The following PDE4B variants were observed in gnomAD, a reference collection of about 807,000 sequenced individuals.
The protein encoded by PDE4B is 3',5'-cyclic-AMP phosphodiesterase 4B.
A neutral mutation model predicts 82.2 loss-of-function variants in PDE4B; 20 were observed. The ratio of observed to expected loss-of-function variants is 0.24; its 90% confidence interval spans 0.17 to 0.35. PDE4B has a LOEUF of 0.35. PDE4B is among the 10% of genes least tolerant of loss of function. The pLI, the probability that PDE4B is intolerant of heterozygous loss-of-function variation, is 1.00. For synonymous variants in PDE4B, 320 were observed against 318.9 expected, an observed-to-expected ratio of 1.00 and a Z score of -0.04; for missense variants, 655 against 907.2, an observed-to-expected ratio of 0.72 and a Z score of 3.57.
intron 3 of PDE4B, among the ~76,000 whole-genome samples, chr1:66,148,915 C>T (rs150624208): frequency 6.6e-6 from 1 of 152,314 alleles, no homozygotes; most frequent in African/African-American, 2.4e-5. Flanking sequence ...AGTTGATGAA[C>T]ATTTGGGTTC....
intron 3 of PDE4B, among the ~76,000 whole-genome samples, chr1:66,175,831 T>G (rs1359846539): frequency 6.6e-6 from 1 of 152,238 alleles, no homozygotes; most frequent in Non-Finnish European, 1.5e-5. Context: ...ATATTTGCTC[T>G]CTTTAGCATG....
Position 66,015,259 on chromosome 1 carries a change from G to T in PDE4B, c.281+96424G>T, listed in dbSNP as rs17419866. On this transcript the variant is annotated intron_variant, in intron 3 of 16. Coordinates refer to ENST00000341517, the MANE Select transcript of PDE4B (RefSeq NM_002600.4). ...CCTATTAGACTATACAATAATCAAG[G>T]ATTACAGAAATGCCTAGAGATTGTT... Among the ~76,000 whole-genome samples, 596 of 152,214 alleles carry T rather than the reference G, an allele frequency of 3.9e-3. 2 individuals carry two copies. Among genetic ancestry groups the T allele is most frequent in the Non-Finnish European group, 7.3e-3 (497 of 67,998 alleles).
intron 1 of PDE4B, among the ~76,000 whole-genome samples, chr1:65,805,154 G>A (rs1645740877): frequency 6.6e-6 from 1 of 152,040 alleles, no homozygotes; most frequent in African/African-American, 2.4e-5. Flanking sequence ...TAGTAGAAAT[G>A]GGGTTTTGCC....
At chr1:65,976,217 A>G (rs1262154917) in intron 3 of PDE4B, among the ~76,000 whole-genome samples, 2 of 152,344 alleles carry the variant, frequency 1.3e-5, no homozygotes, top group East Asian at 1.9e-4. Context: ...AGAGACATGG[A>G]GTCTAAGGAC....
intron 3 of PDE4B, among the ~76,000 whole-genome samples, chr1:65,950,344 T>C (rs1648928062): frequency 6.6e-6 from 1 of 151,960 alleles, no homozygotes; most frequent in African/African-American, 2.4e-5. Context: ...TCACCAGCAA[T>C]AGGGTTCTCA....
chr1:66,266,663 ATCT>A (rs752999925), intron 7 of PDE4B: 5 of 518,868 alleles, frequency 9.6e-6, no homozygotes, highest in Non-Finnish European at 1.6e-5. Flanking sequence ...CTAACCTCTC[ATCT>A]TTCAGGACAG....
At chr1:66,235,890 G>A (rs1018071996) in intron 3 of PDE4B, among the ~76,000 whole-genome samples, 15 of 152,194 alleles carry the variant, frequency 9.9e-5, no homozygotes, top group African/African-American at 2.9e-4. Flanking sequence ...AGTATGGGCA[G>A]CAGCATTTAT....
At chr1:65,961,883 A>C (rs757163636) in intron 3 of PDE4B, among the ~76,000 whole-genome samples, 43 of 152,306 alleles carry the variant, frequency 2.8e-4, no homozygotes, top group Non-Finnish European at 4.9e-4. Flanking sequence ...TTGAAAGAGC[A>C]TGGGGTACAT....
intron 3 of PDE4B, among the ~76,000 whole-genome samples, chr1:66,077,337 A>T (rs1656486165): frequency 6.6e-6 from 1 of 152,182 alleles, no homozygotes; most frequent in African/African-American, 2.4e-5. Context: ...CACTAGTGTA[A>T]ACATTTAACA....
intron 7 of PDE4B, among the ~76,000 whole-genome samples, chr1:66,280,046 C>T (rs1156651419): frequency 6.6e-6 from 1 of 152,236 alleles, no homozygotes; most frequent in African/African-American, 2.4e-5. Context: ...ACCCCAAACA[C>T]CTGTCTTTGG....
intron 3 of PDE4B, among the ~76,000 whole-genome samples, chr1:66,078,921 G>C (rs1252634125): frequency 1.3e-5 from 2 of 152,042 alleles, no homozygotes; most frequent in Non-Finnish European, 2.9e-5. Flanking sequence ...GAGCATAAAG[G>C]AGAGAAAGAG....
chr1:66,107,962 TA>T (rs1416107572), intron 3 of PDE4B, among the ~76,000 whole-genome samples: 11 of 152,040 alleles, frequency 7.2e-5, no homozygotes, highest in African/African-American at 2.2e-4. Context: ...GATACACATT[TA>T]TTTTTTTAAA....
chr1:66,255,911 A>G (rs974231199), intron 4 of PDE4B, among the ~76,000 whole-genome samples: 15 of 152,224 alleles, frequency 9.9e-5, no homozygotes, highest in Admixed American at 5.2e-4. Context: ...TACACCTGTA[A>G]CTCCAGCACT....
chr1:66,290,162 G>C (rs1353795253), intron 7 of PDE4B, among the ~76,000 whole-genome samples: 1 of 152,160 alleles, frequency 6.6e-6, no homozygotes, highest in Non-Finnish European at 1.5e-5. Flanking sequence ...ATTAGGCAGA[G>C]AGATAAGTTT....
At chr1:65,953,405 T>TG (rs1360664750) in intron 3 of PDE4B, among the ~76,000 whole-genome samples, 5 of 152,068 alleles carry the variant, frequency 3.3e-5, no homozygotes, top group Non-Finnish European at 7.4e-5. Flanking sequence ...GATGGGGTGG[T>TG]GATCCTAGAT....
chr1:65,858,203 C>T (rs941669591), intron 1 of PDE4B, among the ~76,000 whole-genome samples: 2 of 152,084 alleles, frequency 1.3e-5, no homozygotes, highest in South Asian at 2.1e-4. Flanking sequence ...CCCTAGGAAC[C>T]ACTTTGAAAG....
At chr1:66,158,961 G>T (rs376826155) in intron 3 of PDE4B, among the ~76,000 whole-genome samples, 14 of 152,116 alleles carry the variant, frequency 9.2e-5, no homozygotes, top group African/African-American at 2.9e-4. Context: ...AAAGGAAGAT[G>T]GAGAGAAGTT....
intron 3 of PDE4B, among the ~76,000 whole-genome samples, chr1:66,017,841 T>TA: frequency 6.6e-6 from 1 of 150,956 alleles, no homozygotes; most frequent in East Asian, 2.0e-4. Context: ...TTAAAAAATA[T>TA]ATATATATAT....
intron 3 of PDE4B, among the ~76,000 whole-genome samples, chr1:66,090,621 A>ATGTGTGTGTGTGTGTGTGTGTGTG (rs146947689): frequency 1.1e-3 from 132 of 122,704 alleles, no homozygotes; most frequent in African/African-American, 2.0e-3. Flanking sequence ...TATATAATAT[A>ATGTGTGTGTGTGTGTGTGTGTGTG]TGTGTGTGTG....
Sources: allele counts gnomAD v4.1 joint callset (sites outside exome capture counted in the v4.1 genomes callset), GRCh38; gene constraint gnomAD v4.1.1; transcripts MANE v1.5; gene names NCBI Gene and HGNC (gene_info 2026-07-23, HGNC 2026-07-21).